The following MYO3B variants were observed in gnomAD, a reference collection of about 807,000 sequenced individuals.
The protein encoded by MYO3B is myosin IIIB, also known as myosin-IIIb.
MYO3B carries 156 observed loss-of-function variants against 174.6 expected under a neutral mutation model. That is an observed-to-expected ratio of 0.89 (90% CI 0.78 to 1.02). MYO3B has a LOEUF of 1.02. MYO3B is among the 50% of genes least tolerant of loss of function. The pLI, the probability that MYO3B is intolerant of heterozygous loss-of-function variation, is 0.00. For missense variants in MYO3B, 1,632 were observed against 1,639.4 expected, an observed-to-expected ratio of 1.00 and a Z score of 0.08; for synonymous variants, 563 against 569.1, an observed-to-expected ratio of 0.99 and a Z score of 0.15.
At chr2:170,636,310 A>G (rs929486949) in intron 32 of MYO3B, among the ~76,000 whole-genome samples, 1 of 152,188 alleles carries the variant, frequency 6.6e-6, no homozygotes, top group Non-Finnish European at 1.5e-5. Context: ...AGCACTTTGA[A>G]GATAACCTAA....
At chr2:170,551,378 T>C (rs565042457) in intron 32 of MYO3B, among the ~76,000 whole-genome samples, 1 of 144,940 alleles carries the variant, frequency 6.9e-6, no homozygotes, top group South Asian at 2.2e-4. Context: ...ATTTATTTAT[T>C]TATTTATTTT....
chr2:170,443,367 G>C (rs1047755840), intron 22 of MYO3B, among the ~76,000 whole-genome samples: 1 of 152,094 alleles, frequency 6.6e-6, no homozygotes, highest in Admixed American at 6.6e-5. Context: ...GTAAATTTAA[G>C]TTCTTTATAG....
intron 32 of MYO3B, among the ~76,000 whole-genome samples, chr2:170,553,975 G>A (rs1242027333): frequency 6.6e-6 from 1 of 152,124 alleles, no homozygotes; most frequent in African/African-American, 2.4e-5. Flanking sequence ...TGCCAGAACT[G>A]TAAGTTTTCT....
At chr2:170,347,233 G>A (rs947791403) in intron 8 of MYO3B, among the ~76,000 whole-genome samples, 5 of 152,132 alleles carry the variant, frequency 3.3e-5, no homozygotes, top group African/African-American at 1.2e-4. Flanking sequence ...TACTTTACTT[G>A]CATAATTTCA....
chr2:170,602,045 C>T (rs993473890), intron 32 of MYO3B: 1 of 936,174 alleles, frequency 1.1e-6, no homozygotes, highest in African/African-American at 1.6e-5. Context: ...TTTGCCATAT[C>T]TTCAAATTTT....
intron 22 of MYO3B, among the ~76,000 whole-genome samples, chr2:170,410,793 A>T (rs571370392): frequency 1.3e-5 from 2 of 152,156 alleles, no homozygotes; most frequent in South Asian, 4.1e-4. Context: ...TATGCTGTAC[A>T]TTTATGTTTT....
chr2:170,191,944 A>G (rs1574551410), intron 1 of MYO3B, among the ~76,000 whole-genome samples: 2 of 152,246 alleles, frequency 1.3e-5, no homozygotes, highest in South Asian at 4.1e-4. Context: ...CTATTGGCTG[A>G]TTTTTAATTT....
At chr2:170,321,027 G>T (rs2093821866) in intron 7 of MYO3B, among the ~76,000 whole-genome samples, 1 of 152,124 alleles carries the variant, frequency 6.6e-6, no homozygotes, top group African/African-American at 2.4e-5. Context: ...TTTCAAGGCT[G>T]TAGTGCCCTA....
rs1010557494 is a variant in MYO3B at position 170,374,258 on chromosome 2, G to A, written c.971+4881G>A. Among the ~76,000 whole-genome samples the A allele has an allele frequency of 5.3e-5, 8 of 152,274 alleles. 1 individual carries two copies. Among genetic ancestry groups the A allele is most frequent in the African/African-American group, 9.6e-5 (4 of 41,560 alleles). On this transcript the variant is annotated intron_variant, in intron 9 of 34. Coordinates refer to ENST00000408978, the MANE Select transcript of MYO3B (RefSeq NM_138995.5). ...AGGGAATCGAGGTTAGTAGAAGAGT[G>A]GCCTTGGGATCTTTGTGGGTAGGGA...
intron 31 of MYO3B, 91 bp from the exon 32 acceptor site, chr2:170,543,801 T>G: frequency 1.0e-6 from 1 of 987,882 alleles, no homozygotes; most frequent in South Asian, 1.5e-5. Context: ...TAGTCAGGTT[T>G]AAGTGCCCCT....
chr2:170,459,564 G>T (rs1157520736), intron 23 of MYO3B, among the ~76,000 whole-genome samples: 3 of 152,218 alleles, frequency 2.0e-5, no homozygotes, highest in African/African-American at 4.8e-5. Flanking sequence ...CAGGAGCCCA[G>T]TTGGCTTTGC....
At chr2:170,384,257 A>G (rs887272238) in intron 12 of MYO3B, among the ~76,000 whole-genome samples, 2 of 152,170 alleles carry the variant, frequency 1.3e-5, no homozygotes, top group Non-Finnish European at 2.9e-5. Context: ...ACCATGCACC[A>G]CACCATTTAG....
rs750090723 is a variant in MYO3B, at chr2:170,200,273, CT to C, written c.311del (p.Leu104ArgfsTer29). ...ADHCVGGQLW[L>X]VLELCNGGSV... ...TCACTGTGTAGGGGGACAGCTGTGG[CT>C]GGTCCTGGAGGTAAGAGGCTCCCAT... On this transcript the variant is annotated frameshift_variant, in exon 3 of 35. Transcript: ENST00000408978. LOFTEE classifies it high-confidence loss of function. The C allele has an allele frequency of 9.2e-5, 148 of 1,611,538 alleles. No homozygotes were observed. The highest frequency in any genetic ancestry group is 1.2e-4 in the Non-Finnish European group (143 of 1,178,898).
At chr2:170,392,273 A>G in intron 15 of MYO3B, 108 bp from the exon 16 acceptor site, 1 of 669,578 alleles carries the variant, frequency 1.5e-6, no homozygotes, top group South Asian at 2.4e-5. Context: ...AGGCTGGGCA[A>G]CAGAGTGAGG....
At chr2:170,333,018 C>T (rs1423941893) in intron 7 of MYO3B, among the ~76,000 whole-genome samples, 1 of 152,130 alleles carries the variant, frequency 6.6e-6, no homozygotes, top group Admixed American at 6.6e-5. Context: ...ATGACTTAGT[C>T]ATGGTGAACT....
chr2:170,183,100 CA>C (rs1412016587), intron 1 of MYO3B, among the ~76,000 whole-genome samples: 6 of 151,784 alleles, frequency 4.0e-5, no homozygotes, highest in African/African-American at 1.5e-4. Context: ...TACTAAAATA[CA>C]AAAAAATTAG....
At position 170,528,233 on chromosome 2, in the gene MYO3B, T is replaced by C. The variant is rs75611082; in HGVS notation, c.3575+8693T>C. Among the ~76,000 whole-genome samples the C allele has an allele frequency of 2.7e-3, 413 of 152,316 alleles. 1 individual carries two copies. The highest frequency in any genetic ancestry group is 9.4e-3 in the African/African-American group (389 of 41,566). ...TTGGGAAGATGTTTCTGTGTTTTCT[T>C]TAGGAAGCTCACTTATTGGCTGGTA... is the stretch of plus-strand genomic sequence containing the variant. On this transcript the variant is annotated intron_variant, in intron 30 of 34. Transcript: ENST00000408978.
At chr2:170,398,587 G>A (rs921318318) in intron 16 of MYO3B, among the ~76,000 whole-genome samples, 3 of 152,080 alleles carry the variant, frequency 2.0e-5, no homozygotes, top group African/African-American at 7.2e-5. Context: ...CTATCTAGAG[G>A]TCCACCAAGA....
At chr2:170,212,392 TGGGGG>T (rs748048564) in intron 3 of MYO3B, among the ~76,000 whole-genome samples, 1 of 151,956 alleles carries the variant, frequency 6.6e-6, no homozygotes, top group Non-Finnish European at 1.5e-5. Context: ...CATTTTAATA[TGGGGG>T]GGCATAATTT....
Sources: allele counts gnomAD v4.1 joint callset (sites outside exome capture counted in the v4.1 genomes callset), GRCh38; gene constraint gnomAD v4.1.1; transcripts MANE v1.5; gene names NCBI Gene and HGNC (gene_info 2026-07-23, HGNC 2026-07-21).